The following DYNLT5 variants were observed in gnomAD, a reference collection of about 807,000 sequenced individuals.
DYNLT5 encodes dynein light chain Tctex-type 5.
A neutral mutation model predicts 19.3 loss-of-function variants in DYNLT5; 25 were observed. The observed-to-expected ratio is 1.30, with a 90% CI of 0.95 to 1.81. DYNLT5 has a LOEUF of 1.81. Ranked by LOEUF, DYNLT5 falls within the 40% of genes most tolerant of loss-of-function variation. The pLI is 0.00. For missense variants in DYNLT5, 232 were observed against 217.9 expected, an observed-to-expected ratio of 1.06 and a Z score of -0.41; for synonymous variants, 82 against 68.9, an observed-to-expected ratio of 1.19 and a Z score of -0.94.
At chr1:66,760,135 AACT>A (rs1256876157) in intron 2 of DYNLT5, among the ~76,000 whole-genome samples, 1 of 151,932 alleles carries the variant, frequency 6.6e-6, no homozygotes, top group Non-Finnish European at 1.5e-5. Flanking sequence ...CCCACTTCCA[AACT>A]CCCTTAACCT....
In DYNLT5 at chr1:66,777,139, A is replaced by G. The variant is rs1027473560; in HGVS notation, c.337-112A>G. On this transcript the variant is annotated intron_variant, in intron 4 of 4. Transcript: ENST00000282670. ...CGGTTCTAAAACAATCACTGAAAGT[A>G]TCTACAATGCATCATGCTATTAAAT... is the stretch of plus-strand genomic sequence containing the variant. 2.7e-5 allele frequency: 24 copies of G among 876,026 alleles called. No individual in the cohort carries two copies. The South Asian group carries it at 4.0e-4, about 15-fold the overall frequency. The allele number at this position is 876,026 out of a possible 1,614,324, so 54.3% of individuals were successfully genotyped here.
At chr1:66,763,540 A>G (rs955778171) in intron 2 of DYNLT5, among the ~76,000 whole-genome samples, 1 of 152,214 alleles carries the variant, frequency 6.6e-6, no homozygotes, top group Non-Finnish European at 1.5e-5. Context: ...TTCATCAATG[A>G]TCTTAGCTTA....
intron 1 of DYNLT5, among the ~76,000 whole-genome samples, chr1:66,754,281 A>T (rs937608176): frequency 3.9e-5 from 6 of 152,164 alleles, no homozygotes; most frequent in Non-Finnish European, 8.8e-5. Context: ...TAATTAGCAA[A>T]GTTGTATTAT....
chr1:66,775,268 C>G (rs1404024995), intron 3 of DYNLT5: 1 of 151,804 alleles, frequency 6.6e-6, no homozygotes, highest in African/African-American at 2.4e-5. Flanking sequence ...GTATATAAAT[C>G]TCTGTTTCCC....
intron 2 of DYNLT5, among the ~76,000 whole-genome samples, chr1:66,757,427 AT>A (rs1472923324): frequency 6.6e-6 from 1 of 152,294 alleles, no homozygotes; most frequent in Non-Finnish European, 1.5e-5. Context: ...ATTTAATGTA[AT>A]TTTTATGTTT....
chr1:66,774,233 G>A (rs1645221833), intron 3 of DYNLT5, among the ~76,000 whole-genome samples: 1 of 151,960 alleles, frequency 6.6e-6, no homozygotes, highest in African/African-American at 2.4e-5. Flanking sequence ...AGAGTCACAT[G>A]GTAACTTTTG....
intron 2 of DYNLT5, among the ~76,000 whole-genome samples, chr1:66,760,582 A>G (rs919453975): frequency 1.7e-4 from 26 of 152,212 alleles, no homozygotes; most frequent in African/African-American, 6.0e-4. Context: ...CCATGCTGAC[A>G]CATTCCATTG....
chr1:66,776,683 TACA>T (rs201569379), intron 4 of DYNLT5, among the ~76,000 whole-genome samples: 2,080 of 152,156 alleles, frequency 0.014, 43 homozygotes, highest in African/African-American at 0.047. Flanking sequence ...TTGTAAAAGA[TACA>T]ACATTTTAAT....
At chr1:66,770,884 G>C (rs1451652523) in intron 3 of DYNLT5, 2 of 266,128 alleles carry the variant, frequency 7.5e-6, no homozygotes, top group Admixed American at 1.0e-4. Flanking sequence ...ATGACTCATA[G>C]TCCCCTGTTG....
chr1:66,757,421 A>T (rs1249932688), intron 2 of DYNLT5, among the ~76,000 whole-genome samples: 9 of 152,190 alleles, frequency 5.9e-5, no homozygotes. Flanking sequence ...TTTTCAATTT[A>T]ATGTAATTTT....
chr1:66,752,965 C>G (rs867684272), intron 1 of DYNLT5, among the ~76,000 whole-genome samples: 7 of 151,710 alleles, frequency 4.6e-5, no homozygotes, highest in Non-Finnish European at 8.8e-5. Context: ...CAGCTGAGGC[C>G]GAGATGGGTC....
chr1:66,764,177 G>C (rs1450040513), intron 2 of DYNLT5, among the ~76,000 whole-genome samples: 1 of 151,912 alleles, frequency 6.6e-6, no homozygotes, highest in Non-Finnish European at 1.5e-5. Flanking sequence ...GACAAAGCGA[G>C]ATTCTGTCTC....
rs1402003098 is a variant in DYNLT5, at chr1:66,759,817, CTTT to C, written c.119+5041_119+5043del. Among the ~76,000 whole-genome samples, 4 of 152,344 alleles carry C rather than the reference CTTT, an allele frequency of 2.6e-5. No individual in the cohort carries two copies. In the South Asian group the frequency reaches 8.3e-4, roughly 32 times the overall value. ...TTTAGAAAATACAGGGGTGTGTCTG[CTTT>C]ATCAGAGTAAGAGCTTACAGAATAA... On this transcript the variant is annotated intron_variant, in intron 2 of 4. Transcript: ENST00000282670.
intron 2 of DYNLT5, among the ~76,000 whole-genome samples, chr1:66,765,777 A>T (rs778885843): frequency 5.3e-5 from 8 of 152,016 alleles, no homozygotes; most frequent in Non-Finnish European, 1.2e-4. Context: ...CTGGGACTAC[A>T]GGCTCTAACT....
At chr1:66,772,465 A>T (rs1190870660) in intron 3 of DYNLT5, among the ~76,000 whole-genome samples, 2 of 152,126 alleles carry the variant, frequency 1.3e-5, no homozygotes, top group Non-Finnish European at 2.9e-5. Flanking sequence ...TGGCCCCAAC[A>T]CCTCCCACCA....
At chr1:66,767,518 A>G (rs1645168228) in intron 2 of DYNLT5, among the ~76,000 whole-genome samples, 1 of 152,168 alleles carries the variant, frequency 6.6e-6, no homozygotes, top group African/African-American at 2.4e-5. Flanking sequence ...TCGGCCTCCC[A>G]AAGTGCTGGG....
intron 2 of DYNLT5, among the ~76,000 whole-genome samples, chr1:66,761,227 T>A (rs2150861664): frequency 6.6e-6 from 1 of 152,344 alleles, no homozygotes; most frequent in East Asian, 1.9e-4. Context: ...GTCACATGAA[T>A]GTTTTAGTTT....
chr1:66,756,926 C>G (rs1022755606), intron 2 of DYNLT5, among the ~76,000 whole-genome samples: 1 of 152,204 alleles, frequency 6.6e-6, no homozygotes, highest in Non-Finnish European at 1.5e-5. Context: ...ACACTATTCC[C>G]CTGGCTTTCT....
At position 66,752,588 on chromosome 1, in the gene DYNLT5, G is replaced by A. The variant is rs1285056966; in HGVS notation, c.-4+4G>A. On this transcript the variant is annotated splice_donor_region_variant and intron_variant, in intron 1 of 4. Coordinates refer to ENST00000282670, the MANE Select transcript of DYNLT5 (RefSeq NM_152665.3). ...GGGCGAAGCCTCCCTGCTGCAGGTA[G>A]GGTCGCCTCTCTCTGCAGCGCGTCT... is the stretch of plus-strand genomic sequence containing the variant. 3 of 985,542 alleles carry A rather than the reference G, an allele frequency of 3.0e-6. No homozygotes were observed. The highest frequency in any genetic ancestry group is 3.6e-6 in the Non-Finnish European group (3 of 829,976). The allele number at this position is 985,542 out of a possible 1,614,324, so 61.0% of individuals were successfully genotyped here. A position where few individuals can be genotyped will look rare whatever the true frequency, so the allele number is the denominator to read the frequency against.
Sources: gnomAD v4.1 joint callset for allele counts (sites outside exome capture counted in the v4.1 genomes callset) on GRCh38, gnomAD v4.1.1 for gene constraint, MANE v1.5 for transcripts, NCBI Gene and HGNC (gene_info 2026-07-23, HGNC 2026-07-21) for gene names.